DPP10: variants seen among roughly 807,000 people sequenced by gnomAD.
DPP10 encodes the protein inactive dipeptidyl peptidase 10.
In DPP10, 33 loss-of-function variants were observed where a neutral mutation model predicts 120.9. That is an observed-to-expected ratio of 0.27 (90% confidence interval 0.21 to 0.37). The LOEUF (loss-of-function observed/expected upper bound fraction) is 0.37, where lower values mean the gene tolerates loss of function less well. Ranked by LOEUF, DPP10 falls within the 10% of genes least tolerant of loss-of-function variation. The pLI is 1.00. For missense variants in DPP10, 816 were observed against 942.8 expected (o/e 0.87, Z 1.76); for synonymous variants, 337 against 326.1 (o/e 1.03, Z -0.36).
Position 115,181,833 on chromosome 2 carries a change from A to G in DPP10, c.61-127406A>G, listed in dbSNP as rs2054100767. ...GAACTGTATCTGGATACAGACATTCACTATAATAGAAGCATGTGGATGATT... is the reference window on the plus strand; with the variant it reads ...GAACTGTATCTGGATACAGACATTCGCTATAATAGAAGCATGTGGATGATT... On this transcript the variant is annotated intron_variant, in intron 1 of 25. Transcript: ENST00000410059. 2.0e-5 allele frequency among the ~76,000 whole-genome samples: 3 copies of G among 152,200 alleles called. No individual in the cohort carries two copies. In the South Asian group the frequency reaches 6.2e-4, roughly 31 times the overall value.
intron 3 of DPP10, among the ~76,000 whole-genome samples, chr2:115,378,465 G>A (rs1015477634): frequency 3.3e-5 from 5 of 151,700 alleles, no homozygotes; most frequent in African/African-American, 9.7e-5. Flanking sequence ...GAGACAATGG[G>A]GTTTTCTAGA....
intron 21 of DPP10, among the ~76,000 whole-genome samples, chr2:115,828,264 T>G (rs1312074183): frequency 1.3e-5 from 2 of 152,150 alleles, no homozygotes; most frequent in Admixed American, 6.5e-5. Context: ...TTCCTCTGTA[T>G]ACAACGCATC....
At chr2:115,244,430 C>T (rs574698143) in intron 1 of DPP10, among the ~76,000 whole-genome samples, 1 of 151,760 alleles carries the variant, frequency 6.6e-6, no homozygotes, top group Non-Finnish European at 1.5e-5. Flanking sequence ...ATAAAAATTG[C>T]AGTGAAGAAA....
intron 3 of DPP10, among the ~76,000 whole-genome samples, chr2:115,482,711 A>T (rs952039547): frequency 1.4e-4 from 22 of 151,930 alleles, no homozygotes; most frequent in African/African-American, 5.1e-4. Flanking sequence ...TCATTCCTTC[A>T]TTCATCCTTA....
intron 1 of DPP10, among the ~76,000 whole-genome samples, chr2:114,800,506 A>T (rs1050697496): frequency 6.6e-6 from 1 of 152,224 alleles, no homozygotes; most frequent in African/African-American, 2.4e-5. Flanking sequence ...AACAAAGAGA[A>T]TAGCACAAAA....
At chr2:114,979,102 T>G (rs996980737) in intron 1 of DPP10, among the ~76,000 whole-genome samples, 17 of 152,116 alleles carry the variant, frequency 1.1e-4, no homozygotes, top group African/African-American at 4.1e-4. Flanking sequence ...TGATCATATT[T>G]TCTAAATCAG....
At chr2:114,693,183 T>C (rs1028179294) in intron 1 of DPP10, among the ~76,000 whole-genome samples, 1 of 151,990 alleles carries the variant, frequency 6.6e-6, no homozygotes, top group Non-Finnish European at 1.5e-5. Context: ...CACTGGTCTG[T>C]GTATTTCAGT....
intron 1 of DPP10, chr2:115,161,761 C>A (rs1559164237): frequency 2.1e-5 from 10 of 477,462 alleles, no homozygotes; most frequent in South Asian, 1.9e-4. Context: ...CTGCGGTGGC[C>A]GAGGGAGGGA....
intron 3 of DPP10, among the ~76,000 whole-genome samples, chr2:115,354,587 C>CT (rs1223367383): frequency 2.4e-4 from 36 of 147,994 alleles, no homozygotes; most frequent in Admixed American, 1.4e-3. Context: ...TTCTTTATTT[C>CT]TTTTTTTTTT....
intron 1 of DPP10, among the ~76,000 whole-genome samples, chr2:114,997,511 AG>A (rs1435932364): frequency 8.9e-4 from 7 of 7,838 alleles, no homozygotes; most frequent in African/African-American, 1.1e-3. Context: ...AAAAAAAAAA[AG>A]AAAAAAATTC....
At chr2:115,495,418 T>C (rs2076345647) in intron 3 of DPP10, among the ~76,000 whole-genome samples, 1 of 142,908 alleles carries the variant, frequency 7.0e-6, no homozygotes, top group African/African-American at 2.6e-5. Flanking sequence ...GTTAAGTTCA[T>C]AAACAAGAAC....
At chr2:115,133,537 T>G (rs10199796) in intron 1 of DPP10, among the ~76,000 whole-genome samples, 19,258 of 151,886 alleles carry the variant, frequency 0.13, 1,386 homozygotes, top group East Asian at 0.17. Flanking sequence ...AACAATGGAG[T>G]ACTTAATGCC....
At chr2:114,792,014 G>C (rs1475603925) in intron 1 of DPP10, among the ~76,000 whole-genome samples, 1 of 152,112 alleles carries the variant, frequency 6.6e-6, no homozygotes, top group Admixed American at 6.5e-5. Context: ...TATGAGACAC[G>C]AATGTTGGCA....
At chr2:115,077,756 A>C (rs143970169) in intron 1 of DPP10, among the ~76,000 whole-genome samples, 114 of 152,360 alleles carry the variant, frequency 7.5e-4, no homozygotes, top group African/African-American at 2.6e-3. Context: ...CAAGCCATCA[A>C]GATTTCCCTG....
intron 2 of DPP10, among the ~76,000 whole-genome samples, chr2:115,331,884 C>T (rs1176522097): frequency 6.6e-6 from 1 of 151,752 alleles, no homozygotes; most frequent in East Asian, 1.9e-4. Flanking sequence ...CTAAAATTCT[C>T]TTTTTTTTGT....
chr2:115,173,081 T>C (rs1232207595), intron 1 of DPP10, among the ~76,000 whole-genome samples: 2 of 152,226 alleles, frequency 1.3e-5, no homozygotes, highest in African/African-American at 4.8e-5. Context: ...CATTTACTTT[T>C]CTGAATTTGT....
At chr2:115,353,394 G>A (rs2064162634) in intron 3 of DPP10, among the ~76,000 whole-genome samples, 1 of 152,094 alleles carries the variant, frequency 6.6e-6, no homozygotes, top group African/African-American at 2.4e-5. Context: ...GAGTAACTCA[G>A]TATTGGCATA....
intron 1 of DPP10, among the ~76,000 whole-genome samples, chr2:115,006,597 A>C (rs1245174673): frequency 6.1e-5 from 9 of 147,148 alleles, no homozygotes; most frequent in Non-Finnish European, 1.4e-4. Context: ...ACTTTAAACC[A>C]ACAAAGATCA....
intron 19 of DPP10, among the ~76,000 whole-genome samples, chr2:115,796,321 TACA>T (rs1166892210): frequency 1.3e-5 from 2 of 152,186 alleles, no homozygotes; most frequent in African/African-American, 4.8e-5. Flanking sequence ...CATACCAGAT[TACA>T]ACATTTACTT....
Sources: allele counts gnomAD v4.1 joint callset (sites outside exome capture counted in the v4.1 genomes callset), GRCh38; gene constraint gnomAD v4.1.1; transcripts MANE v1.5; gene names NCBI Gene and HGNC (gene_info 2026-07-23, HGNC 2026-07-21).